The following MEGF11 variants were observed in gnomAD, a reference collection of about 807,000 sequenced individuals.
MEGF11 encodes multiple EGF like domains 11.
Under a neutral mutation model 146.6 loss-of-function variants are expected in MEGF11, and 126 were observed. That is an observed-to-expected ratio of 0.86 (90% confidence interval 0.74 to 1.00). The LOEUF (loss-of-function observed/expected upper bound fraction) is 1.00, where lower values mean the gene tolerates loss of function less well. Ranked by LOEUF, MEGF11 falls within the 50% of genes least tolerant of loss-of-function variation. The probability of loss-of-function intolerance (pLI) is 0.00; values close to 1 mark genes in which losing one functional copy is unlikely to be tolerated. For synonymous variants in MEGF11, 532 were observed against 583.4 expected (o/e 0.91, Z 1.27); for missense variants, 1,509 against 1,521.2 (o/e 0.99, Z 0.13).
intron 4 of MEGF11, among the ~76,000 whole-genome samples, chr15:66,100,128 G>T (rs1040956368): frequency 6.6e-6 from 1 of 152,194 alleles, no homozygotes; most frequent in Non-Finnish European, 1.5e-5. Flanking sequence ...CCCCGTGCAC[G>T]CTCTGCCCAT....
intron 4 of MEGF11, among the ~76,000 whole-genome samples, chr15:66,109,258 G>T (rs929689691): frequency 1.3e-5 from 2 of 151,926 alleles, no homozygotes; most frequent in Non-Finnish European, 2.9e-5. Flanking sequence ...CCATGCTGCT[G>T]CCCCCAGAGC....
intron 5 of MEGF11, among the ~76,000 whole-genome samples, chr15:66,056,122 T>C (rs148463987): frequency 0.011 from 1,695 of 152,220 alleles, 13 homozygotes; most frequent in African/African-American, 0.013. Flanking sequence ...ATCTGTACTT[T>C]AACGAGGCTC....
chr15:66,197,499 T>C (rs1353344017), intron 1 of MEGF11, among the ~76,000 whole-genome samples: 1 of 152,180 alleles, frequency 6.6e-6, no homozygotes, highest in Non-Finnish European at 1.5e-5. Context: ...CTCAACTCAC[T>C]ACAACCTCCG....
At chr15:66,010,630 G>A (rs936788927) in intron 5 of MEGF11, among the ~76,000 whole-genome samples, 1 of 152,190 alleles carries the variant, frequency 6.6e-6, no homozygotes, top group African/African-American at 2.4e-5. Flanking sequence ...CAAGTGATTT[G>A]CTACTAACGT....
At chr15:65,926,582 T>G (rs954284938) in intron 13 of MEGF11, among the ~76,000 whole-genome samples, 1 of 152,124 alleles carries the variant, frequency 6.6e-6, no homozygotes, top group Non-Finnish European at 1.5e-5. Flanking sequence ...GCACAGATTT[T>G]TCTTGAGGCA....
chr15:66,003,093 A>G (rs758708484), intron 5 of MEGF11, among the ~76,000 whole-genome samples: 28 of 151,850 alleles, frequency 1.8e-4, no homozygotes, highest in Non-Finnish European at 3.2e-4. Context: ...TCCTGGGTTC[A>G]AGCGATTCTC....
At chr15:66,179,434 G>A (rs1027371121) in intron 1 of MEGF11, among the ~76,000 whole-genome samples, 4 of 152,106 alleles carry the variant, frequency 2.6e-5, no homozygotes, top group Non-Finnish European at 5.9e-5. Flanking sequence ...CGCCCAGCTG[G>A]AGGTTGGTGA....
chr15:66,029,346 G>A (rs2083441143), intron 5 of MEGF11, among the ~76,000 whole-genome samples: 1 of 152,186 alleles, frequency 6.6e-6, no homozygotes, highest in African/African-American at 2.4e-5. Context: ...ACAGGAGGTA[G>A]GCTGAGCCTG....
At chr15:66,093,315 A>G (rs532146095) in intron 5 of MEGF11, among the ~76,000 whole-genome samples, 1 of 152,332 alleles carries the variant, frequency 6.6e-6, no homozygotes, top group Admixed American at 6.5e-5. Context: ...AAAAAACATA[A>G]CTAGATATTT....
chr15:66,244,654 C>T (rs920558611), intron 1 of MEGF11, among the ~76,000 whole-genome samples: 15 of 152,206 alleles, frequency 9.9e-5, no homozygotes, highest in East Asian at 1.9e-4. Flanking sequence ...CCAAGAATCC[C>T]GACTTCACAG....
chr15:65,961,033 T>C (rs1468181138), intron 9 of MEGF11, among the ~76,000 whole-genome samples: 1 of 152,174 alleles, frequency 6.6e-6, no homozygotes, highest in Non-Finnish European at 1.5e-5. Context: ...ACTTATCTTA[T>C]AGAAACTCCA....
At chr15:66,168,280 G>A (rs1434870615) in intron 1 of MEGF11, among the ~76,000 whole-genome samples, 1 of 151,960 alleles carries the variant, frequency 6.6e-6, no homozygotes, top group Non-Finnish European at 1.5e-5. Context: ...CCTTGTCTTG[G>A]TAACTGCTGC....
chr15:66,236,052 G>T (rs924331819), intron 1 of MEGF11, among the ~76,000 whole-genome samples: 2 of 152,224 alleles, frequency 1.3e-5, no homozygotes, highest in Non-Finnish European at 2.9e-5. Context: ...AGGGAGGGGA[G>T]TTCAGGGAAG....
chr15:65,978,902 C>A (rs114942339), intron 7 of MEGF11, among the ~76,000 whole-genome samples: 202 of 152,284 alleles, frequency 1.3e-3, no homozygotes, highest in African/African-American at 4.5e-3. Context: ...CTCTGAGCCT[C>A]AGCTTCTTCA....
At chr15:66,018,213 G>A (rs2082964120) in intron 5 of MEGF11, among the ~76,000 whole-genome samples, 1 of 152,176 alleles carries the variant, frequency 6.6e-6, no homozygotes, top group Non-Finnish European at 1.5e-5. Flanking sequence ...GGGGTCCATG[G>A]AGCCCCCAGC....
intron 5 of MEGF11, among the ~76,000 whole-genome samples, chr15:66,082,446 AAAAAAAAAAAAAAAAAAAAAATCTATCT>A (rs2085902480): frequency 2.7e-5 from 3 of 112,558 alleles, no homozygotes; most frequent in East Asian, 2.6e-4. Flanking sequence ...AAAAAAAAAA[AAAAAAAAAAAAAAAAAAAAAATCTATCT>A]ATCTATCTAT....
intron 1 of MEGF11, among the ~76,000 whole-genome samples, chr15:66,228,619 C>G (rs1008328622): frequency 6.6e-6 from 1 of 152,196 alleles, no homozygotes; most frequent in East Asian, 1.9e-4. Flanking sequence ...GACCAGCATC[C>G]CCACACGACA....
chr15:65,994,118 G>A (rs1033543113), intron 5 of MEGF11, among the ~76,000 whole-genome samples: 5 of 152,222 alleles, frequency 3.3e-5, no homozygotes, highest in African/African-American at 9.6e-5. Flanking sequence ...AGCTAAAAGC[G>A]GGGAGGGTGT....
intron 1 of MEGF11, among the ~76,000 whole-genome samples, chr15:66,151,962 CG>C (rs138129982): frequency 6.6e-6 from 1 of 152,238 alleles, no homozygotes; most frequent in Non-Finnish European, 1.5e-5. Context: ...TGCCATGGGG[CG>C]GGGGGCAGGG....
Sources: allele counts gnomAD v4.1 joint callset (sites outside exome capture counted in the v4.1 genomes callset), GRCh38; gene constraint gnomAD v4.1.1; transcripts MANE v1.5; gene names NCBI Gene and HGNC (gene_info 2026-07-23, HGNC 2026-07-21).